The following CAT variants were observed in gnomAD, a reference collection of about 807,000 sequenced individuals.
CAT encodes epididymis secretory sperm binding protein.
A neutral mutation model predicts 59.0 loss-of-function variants in CAT; 43 were observed. The ratio of observed to expected loss-of-function variants is 0.73; its 90% confidence interval spans 0.57 to 0.94. The LOEUF is 0.94. CAT is among the 40% of genes least tolerant of loss of function. CAT has a pLI of 0.00. For synonymous variants in CAT, 218 were observed against 230.9 expected (o/e 0.94, Z 0.51); for missense variants, 664 against 682.9 (o/e 0.97, Z 0.31).
chr11:34,442,031 G>A (rs1203038617), intron 1 of CAT, among the ~76,000 whole-genome samples: 1 of 152,150 alleles, frequency 6.6e-6, no homozygotes, highest in African/African-American at 2.4e-5. Context: ...GGTGTTGTCA[G>A]TCTTTTACAT....
intron 2 of CAT, 143 bp downstream of exon 2, chr11:34,449,506 A>T: frequency 1.5e-6 from 1 of 666,084 alleles, no homozygotes; most frequent in East Asian, 2.6e-5. Context: ...GCAGTAGGGA[A>T]ATTAGTAAAT....
At position 34,438,949 on chromosome 11, in the gene CAT, C is replaced by T. The variant is rs1386475566; in HGVS notation, c.-65C>T. 1.3e-5 allele frequency: 18 copies of T among 1,417,444 alleles called. 1 individual carries two copies. The highest frequency in any genetic ancestry group is 1.7e-5 in the Non-Finnish European group (17 of 1,024,710). 87.8% of individuals were successfully genotyped at this position (1,417,444 alleles called of 1,614,324 possible). The stretch of plus-strand genomic sequence containing the variant: ...GACTCGGGGCAACAGGCAGATTTGC[C>T]TGCTGAGGGTGGAGACCCACGAGCC... On this transcript the variant is annotated 5_prime_UTR_variant, in exon 1 of 13. Transcript: ENST00000241052.
intron 10 of CAT, among the ~76,000 whole-genome samples, chr11:34,467,157 G>C (rs1206049399): frequency 1.3e-5 from 2 of 152,140 alleles, no homozygotes; most frequent in Non-Finnish European, 2.9e-5. Context: ...ATATTATTAA[G>C]ACAATAGGAT....
rs1475884915 is a variant in CAT at position 34,439,023 on chromosome 11, AGCCGGGATCCC to A, written c.14_24del (p.Arg5GlnfsTer17). ...CAGCAAACCGCACGCTATGGCTGAC[AGCCGGGATCCC>A]GCCAGCGACCAGATGCAGCACTGGA... On this transcript the variant is annotated frameshift_variant, in exon 1 of 13. Coordinates refer to ENST00000241052, the MANE Select transcript of CAT (RefSeq NM_001752.4). LOFTEE classifies it high-confidence loss of function. The A allele has an allele frequency of 6.3e-7, 1 of 1,594,214 alleles. No homozygotes were observed. The highest frequency in any genetic ancestry group is 8.5e-7 in the Non-Finnish European group (1 of 1,170,492).
intron 7 of CAT, 143 bp from the exon 8 acceptor site, chr11:34,456,522 A>G: frequency 1.2e-6 from 1 of 815,970 alleles, no homozygotes; most frequent in South Asian, 1.4e-5. Flanking sequence ...TAACTAAGGC[A>G]CTCATCTTAA....
At chr11:34,445,018 G>A (rs906916452) in intron 1 of CAT, among the ~76,000 whole-genome samples, 4 of 152,192 alleles carry the variant, frequency 2.6e-5, no homozygotes, top group Non-Finnish European at 5.9e-5. Flanking sequence ...GAGAGGGATA[G>A]ACTGTTGCTG....
intron 10 of CAT, among the ~76,000 whole-genome samples, chr11:34,468,000 G>A (rs1038310382): frequency 1.3e-5 from 2 of 152,148 alleles, no homozygotes; most frequent in African/African-American, 4.8e-5. Flanking sequence ...AGACTTGTCA[G>A]TATTAAGAAT....
At position 34,467,139 on chromosome 11, in the gene CAT, A is replaced by G. The variant is rs115490020; in HGVS notation, c.1327-1149A>G. On this transcript the variant is annotated intron_variant, in intron 10 of 12. Transcript: ENST00000241052. ...AAACATACATATTTAAAGAGATGCA[A>G]AAAAGGAATATTATTAAGACAATAG... 4.1e-3 allele frequency among the ~76,000 whole-genome samples: 625 copies of G among 152,344 alleles called. 6 individuals are homozygous for G. The highest frequency in any genetic ancestry group is 0.015 in the African/African-American group (606 of 41,580).
At chr11:34,455,137 C>T (rs540877308) in intron 6 of CAT, among the ~76,000 whole-genome samples, 3 of 152,230 alleles carry the variant, frequency 2.0e-5, no homozygotes, top group Non-Finnish European at 2.9e-5. Context: ...GCTCTTTGGG[C>T]GATCTGTACA....
At chr11:34,467,584 TACTC>T (rs2133859987) in intron 10 of CAT, among the ~76,000 whole-genome samples, 1 of 152,356 alleles carries the variant, frequency 6.6e-6, no homozygotes, top group African/African-American at 2.4e-5. Context: ...ACATTATAGA[TACTC>T]AATATTTGTT....
chr11:34,445,119 T>A (rs2133178089), intron 1 of CAT, among the ~76,000 whole-genome samples: 1 of 152,292 alleles, frequency 6.6e-6, no homozygotes, highest in Middle Eastern at 3.4e-3. Flanking sequence ...ACATTTGTTT[T>A]ATGTTTGTTA....
At position 34,462,965 on chromosome 11, in the gene CAT, T is replaced by C. The variant is rs114633904; in HGVS notation, c.1196-1140T>C. On this transcript the variant is annotated intron_variant, in intron 9 of 12. Transcript: ENST00000241052. ...AGATGTGACTGATCTGTTGAATTTG[T>C]TGAGTGAATAATTGGGCTCTATAAT... is the stretch of plus-strand genomic sequence containing the variant. Among the ~76,000 whole-genome samples the C allele has an allele frequency of 4.1e-3, 622 of 152,344 alleles. 6 individuals are homozygous for C. The highest frequency in any genetic ancestry group is 0.015 in the African/African-American group (604 of 41,572).
At chr11:34,442,895 T>C (rs1490784677) in intron 1 of CAT, among the ~76,000 whole-genome samples, 2 of 152,234 alleles carry the variant, frequency 1.3e-5, no homozygotes, top group Admixed American at 6.5e-5. Flanking sequence ...GTCTACCCCC[T>C]GTCCAGGAAG....
chr11:34,461,010 C>T (rs1590306609), intron 8 of CAT: 20 of 566,840 alleles, frequency 3.5e-5, no homozygotes, highest in Non-Finnish European at 4.7e-5. Flanking sequence ...ATATTATTAC[C>T]AAAAACAGAT....
At chr11:34,445,495 CAAAAAAA>C (rs58169234) in intron 1 of CAT, among the ~76,000 whole-genome samples, 12 of 36,348 alleles carry the variant, frequency 3.3e-4, no homozygotes, top group African/African-American at 6.2e-4. Context: ...GACTCCATCT[CAAAAAAA>C]AAAAAAAAAA....
At chr11:34,464,732 C>T (rs1856693703) in intron 10 of CAT, among the ~76,000 whole-genome samples, 1 of 151,954 alleles carries the variant, frequency 6.6e-6, no homozygotes, top group Non-Finnish European at 1.5e-5. Flanking sequence ...ATTATTTTTA[C>T]CACAGCTTCC....
intron 10 of CAT, 56 bp downstream of exon 10, chr11:34,464,291 G>A: frequency 6.5e-7 from 1 of 1,535,186 alleles, no homozygotes; most frequent in Non-Finnish European, 9.0e-7. Flanking sequence ...CCTTGTCAAT[G>A]CCTGCATAAT....
At chr11:34,462,537 C>A (rs1413330806) in intron 9 of CAT, among the ~76,000 whole-genome samples, 1 of 152,150 alleles carries the variant, frequency 6.6e-6, no homozygotes, top group Non-Finnish European at 1.5e-5. Flanking sequence ...GATTCTCATG[C>A]CTCAGCCTCC....
Position 34,456,192 on chromosome 11 carries a change from A to C in CAT, c.893A>C (p.Asp298Ala). 6.2e-7 allele frequency: 1 copy of C among 1,613,264 alleles called. No individual in the cohort carries two copies. The highest frequency in any genetic ancestry group is 1.1e-5 in the South Asian group (1 of 91,058). Residue 298 changes from aspartate (D) to alanine (A), a missense_variant, in exon 7 of 13, where the codon GAT becomes GCT. Transcript: ENST00000241052. The stretch of plus-strand genomic sequence containing the variant: ...GAAACTTTTCCATTTAATCCATTCG[A>C]TCTCACCAAGGTGAGTCAGTAAACA... ...QAETFPFNPF[D>A]LTKVWPHKDY... is the part of the protein sequence containing the mutation.
Sources: gnomAD v4.1 joint callset for allele counts (sites outside exome capture counted in the v4.1 genomes callset) on GRCh38, gnomAD v4.1.1 for gene constraint, MANE v1.5 for transcripts, NCBI Gene and HGNC (gene_info 2026-07-23, HGNC 2026-07-21) for gene names.